Variants in DLG2 observed in about 807,000 individuals in gnomAD.
The protein encoded by DLG2 is discs large MAGUK scaffold protein 2, also known as disks large homolog 2.
DLG2 carries 45 observed loss-of-function variants against 132.5 expected under a neutral mutation model. The observed-to-expected ratio is 0.34, with a 90% CI of 0.27 to 0.44. DLG2 has a LOEUF of 0.44. Among genes scored for constraint, DLG2 ranks in the 20% least tolerant of loss-of-function variants. DLG2 has a pLI of 1.00. For synonymous variants in DLG2, 424 were observed against 419.6 expected (o/e 1.01, Z -0.13); for missense variants, 1,045 against 1,196.9 (o/e 0.87, Z 1.87).
At chr11:85,568,081 C>A (rs999125177) in intron 3 of DLG2, among the ~76,000 whole-genome samples, 4 of 147,496 alleles carry the variant, frequency 2.7e-5, no homozygotes, top group Non-Finnish European at 5.9e-5. Context: ...ATGGCGCGAT[C>A]TTGGCTCAGT....
chr11:85,177,226 A>T (rs2079332235), intron 4 of DLG2, among the ~76,000 whole-genome samples: 1 of 151,642 alleles, frequency 6.6e-6, no homozygotes, highest in Non-Finnish European at 1.5e-5. Context: ...TCCATGATAG[A>T]CTGAATAAAG....
At chr11:84,390,291 G>A (rs2098788017) in intron 7 of DLG2, among the ~76,000 whole-genome samples, 2 of 152,104 alleles carry the variant, frequency 1.3e-5, no homozygotes, top group Non-Finnish European at 1.5e-5. Context: ...GAGTCCACTG[G>A]TAATTATTTA....
At chr11:85,505,513 A>T (rs563089217) in intron 3 of DLG2, among the ~76,000 whole-genome samples, 4 of 152,106 alleles carry the variant, frequency 2.6e-5, no homozygotes, top group Non-Finnish European at 5.9e-5. Flanking sequence ...TTATATGATG[A>T]ATTACATTTA....
At chr11:85,275,975 C>A (rs568360496) in intron 4 of DLG2, among the ~76,000 whole-genome samples, 28 of 152,224 alleles carry the variant, frequency 1.8e-4, no homozygotes, top group African/African-American at 2.9e-4. Flanking sequence ...TCATAACAAG[C>A]CATTTTGAAG....
At chr11:84,474,959 C>T (rs555757850) in intron 7 of DLG2, among the ~76,000 whole-genome samples, 122 of 152,090 alleles carry the variant, frequency 8.0e-4, no homozygotes, top group Non-Finnish European at 1.2e-3. Flanking sequence ...AAAACCAAAA[C>T]TGAAGTGAAA....
At position 84,593,632 on chromosome 11, in the gene DLG2, C is replaced by A. The variant is rs1018869385; in HGVS notation, c.358-58901G>T. On this transcript the variant is annotated intron_variant, in intron 6 of 27. Transcript: ENST00000376104. ...TGGACACAGGGAGGGGAACATCACACATCAGGGCCTGTCAGGGGTTGGGAG... is the reference window on the plus strand; with the variant it reads ...TGGACACAGGGAGGGGAACATCACAAATCAGGGCCTGTCAGGGGTTGGGAG... Among the ~76,000 whole-genome samples the A allele has an allele frequency of 2.0e-5, 3 of 152,104 alleles. No individual in the cohort carries two copies. The South Asian group carries it at 6.2e-4, about 32-fold the overall frequency.
chr11:84,622,067 G>C (rs1431662793), intron 6 of DLG2, among the ~76,000 whole-genome samples: 3 of 152,306 alleles, frequency 2.0e-5, no homozygotes, highest in Admixed American at 6.5e-5. Context: ...ACACATCAAA[G>C]GGGGCATTGT....
chr11:83,981,106 G>C (rs2092737235), intron 11 of DLG2, among the ~76,000 whole-genome samples: 1 of 152,138 alleles, frequency 6.6e-6, no homozygotes, highest in South Asian at 2.1e-4. Flanking sequence ...GGATACTCTT[G>C]ATATTTCAAG....
intron 5 of DLG2, among the ~76,000 whole-genome samples, chr11:85,123,432 T>C (rs1017376285): frequency 6.6e-6 from 1 of 152,004 alleles, no homozygotes; most frequent in Non-Finnish European, 1.5e-5. Context: ...GTAGTAGAAA[T>C]TGTAAATAAA....
intron 19 of DLG2, among the ~76,000 whole-genome samples, chr11:83,588,249 A>G (rs2097126822): frequency 6.6e-6 from 1 of 150,872 alleles, no homozygotes; most frequent in Non-Finnish European, 1.5e-5. Context: ...ACAGCTTTGA[A>G]GAGAGCAGTA....
At chr11:84,993,204 C>G (rs999899045) in intron 6 of DLG2, among the ~76,000 whole-genome samples, 3 of 152,054 alleles carry the variant, frequency 2.0e-5, no homozygotes, top group Non-Finnish European at 2.9e-5. Flanking sequence ...TAAGTGGGAG[C>G]TGAACAATGA....
intron 12 of DLG2, among the ~76,000 whole-genome samples, chr11:83,971,144 C>A (rs545948817): frequency 3.3e-5 from 5 of 151,844 alleles, no homozygotes; most frequent in Non-Finnish European, 7.4e-5. Flanking sequence ...TCATTTGCAT[C>A]AAATATCTGC....
intron 18 of DLG2, among the ~76,000 whole-genome samples, chr11:83,786,004 A>G (rs1324048611): frequency 1.3e-5 from 2 of 152,220 alleles, no homozygotes; most frequent in Non-Finnish European, 2.9e-5. Context: ...AGCAACCTAT[A>G]TATGAATTTT....
At chr11:84,351,201 A>C (rs186325945) in intron 7 of DLG2, among the ~76,000 whole-genome samples, 110 of 152,112 alleles carry the variant, frequency 7.2e-4, no homozygotes, top group African/African-American at 2.6e-3. Flanking sequence ...TTTTCATTTG[A>C]TTCCAAAATT....
At chr11:83,891,731 G>T (rs1201742235) in intron 15 of DLG2, among the ~76,000 whole-genome samples, 1 of 152,134 alleles carries the variant, frequency 6.6e-6, no homozygotes, top group South Asian at 2.1e-4. Context: ...CATGGCAACC[G>T]AGTGTGGGTT....
intron 22 of DLG2, among the ~76,000 whole-genome samples, chr11:83,477,102 G>T (rs986396101): frequency 1.3e-5 from 2 of 152,168 alleles, no homozygotes; most frequent in South Asian, 4.2e-4. Context: ...GGGTTGGAAG[G>T]ATAATTATCA....
rs978212078 is a variant in DLG2, at chr11:84,923,292, G to A, written c.357+188369C>T. On this transcript the variant is annotated intron_variant, in intron 6 of 27. Coordinates refer to ENST00000376104, the MANE Select transcript of DLG2 (RefSeq NM_001142699.3). Reference sequence around the variant, plus strand: ...AAACGACATGTCTTGAAGGCACTGAGTGAGAGCTCAAAATCTCTTCATTGG... The same window carrying A: ...AAACGACATGTCTTGAAGGCACTGAATGAGAGCTCAAAATCTCTTCATTGG... 16 of 1,443,696 alleles carry A rather than the reference G, an allele frequency of 1.1e-5. No individual in the cohort carries two copies. The East Asian group carries it at 3.8e-4, about 34-fold the overall frequency. 89.4% of individuals were successfully genotyped at this position (1,443,696 alleles called of 1,614,324 possible).
chr11:83,993,565 A>G (rs867325592), intron 11 of DLG2, among the ~76,000 whole-genome samples: 2 of 152,160 alleles, frequency 1.3e-5, no homozygotes, highest in Admixed American at 6.6e-5. Context: ...CAAATAGTCA[A>G]ACCACAAGTT....
chr11:85,590,695 A>G (rs982782687), intron 3 of DLG2, among the ~76,000 whole-genome samples: 12 of 151,854 alleles, frequency 7.9e-5, no homozygotes, highest in Non-Finnish European at 1.5e-4. Context: ...TCAACAACAA[A>G]AAGTAAAATT....
Sources: gnomAD v4.1 joint callset for allele counts (sites outside exome capture counted in the v4.1 genomes callset) on GRCh38, gnomAD v4.1.1 for gene constraint, MANE v1.5 for transcripts, NCBI Gene and HGNC (gene_info 2026-07-23, HGNC 2026-07-21) for gene names.